COL14A1: variants seen among roughly 807,000 people sequenced by gnomAD.
The protein encoded by COL14A1 is collagen alpha-1(XIV) chain.
Under a neutral mutation model 230.3 loss-of-function variants are expected in COL14A1, and 136 were observed. The ratio of observed to expected loss-of-function variants is 0.59; its 90% CI spans 0.51 to 0.68. The LOEUF (loss-of-function observed/expected upper bound fraction) is 0.68, where lower values mean the gene tolerates loss of function less well. Among genes scored for constraint, COL14A1 ranks in the 30% least tolerant of loss-of-function variants. COL14A1 has a pLI of 0.00. For missense variants in COL14A1, 1,976 were observed against 2,215.8 expected (o/e 0.89, Z 2.17); for synonymous variants, 792 against 784.1 (o/e 1.01, Z -0.17).
At chr8:120,301,379 C>T (rs970258977) in intron 36 of COL14A1, among the ~76,000 whole-genome samples, 5 of 151,954 alleles carry the variant, frequency 3.3e-5, no homozygotes, top group Non-Finnish European at 5.9e-5. Flanking sequence ...GGTAGGCCCC[C>T]GTGTCTGTTG....
Position 120,203,803 on chromosome 8 carries a change from C to T in COL14A1, c.972C>T (p.His324=). The change falls in exon 9 of 48, where the codon CAC becomes CAT. Residue 324 remains histidine, a synonymous_variant. Coordinates refer to ENST00000297848, the MANE Select transcript of COL14A1 (RefSeq NM_021110.4). ...VYNVAEFDLM[H]TVVESLTRTL... The stretch of plus-strand genomic sequence containing the variant: ...ATGTTGCCGAATTCGATCTGATGCA[C>T]ACAGTTGTGGAGAGTCTGACCAGGA... The T allele has an allele frequency of 6.2e-7, 1 of 1,613,928 alleles. No homozygotes were observed. Among genetic ancestry groups the T allele is most frequent in the Non-Finnish European group, 8.5e-7 (1 of 1,179,908 alleles).
At chr8:120,198,110 T>C (rs1817105651) in intron 7 of COL14A1, among the ~76,000 whole-genome samples, 180 bp downstream of exon 7, 1 of 152,190 alleles carries the variant, frequency 6.6e-6, no homozygotes, top group African/African-American at 2.4e-5. Flanking sequence ...TCATTCCTTT[T>C]ACTCTATGAC....
chr8:120,254,372 C>G (rs1232853004), intron 22 of COL14A1, among the ~76,000 whole-genome samples: 1 of 152,066 alleles, frequency 6.6e-6, no homozygotes, highest in Non-Finnish European at 1.5e-5. Context: ...TGTGTTATCT[C>G]TGTAAAATCT....
chr8:120,327,962 C>T (rs1821739493), intron 40 of COL14A1, among the ~76,000 whole-genome samples: 1 of 151,838 alleles, frequency 6.6e-6, no homozygotes, highest in Non-Finnish European at 1.5e-5. Context: ...CAGGGTTTCA[C>T]CATGTTGGCC....
chr8:120,200,205 G>A (rs1817189691), intron 8 of COL14A1, among the ~76,000 whole-genome samples: 1 of 151,982 alleles, frequency 6.6e-6, no homozygotes, highest in Admixed American at 6.6e-5. Context: ...AAAAATGCCT[G>A]ATTCCCAAGC....
At chr8:120,254,096 A>G (rs949355807) in intron 22 of COL14A1, among the ~76,000 whole-genome samples, 1 of 152,240 alleles carries the variant, frequency 6.6e-6, no homozygotes. Context: ...TATTTTTACC[A>G]TCTTGAAAAG....
chr8:120,236,970 T>C (rs1586792580), intron 19 of COL14A1, among the ~76,000 whole-genome samples: 1 of 152,060 alleles, frequency 6.6e-6, no homozygotes, highest in South Asian at 2.1e-4. Flanking sequence ...GCTTGTAGAG[T>C]TTCTGCAGAG....
chr8:120,202,459 A>G (rs575143331), intron 8 of COL14A1, among the ~76,000 whole-genome samples: 1 of 152,244 alleles, frequency 6.6e-6, no homozygotes, highest in Non-Finnish European at 1.5e-5. Flanking sequence ...ACCTCCTTTT[A>G]ATACCCTCCG....
intron 25 of COL14A1, among the ~76,000 whole-genome samples, chr8:120,268,560 G>A (rs1819567142): frequency 6.6e-6 from 1 of 151,646 alleles, no homozygotes; most frequent in Admixed American, 6.6e-5. Context: ...CATCATGATG[G>A]TTTAGATGGT....
chr8:120,191,464 AC>A (rs1816823566), intron 5 of COL14A1, among the ~76,000 whole-genome samples: 1 of 150,740 alleles, frequency 6.6e-6, no homozygotes, highest in East Asian at 1.9e-4. Flanking sequence ...TTTACTTCCA[AC>A]TATGTGGTCA....
chr8:120,289,299 T>C (rs1175328655), intron 33 of COL14A1, among the ~76,000 whole-genome samples: 1 of 152,208 alleles, frequency 6.6e-6, no homozygotes, highest in East Asian at 1.9e-4. Flanking sequence ...AGAAAAGGCA[T>C]GGCTAGTACA....
intron 5 of COL14A1, among the ~76,000 whole-genome samples, chr8:120,190,788 A>G (rs1309082144): frequency 6.6e-6 from 1 of 152,030 alleles, no homozygotes; most frequent in Non-Finnish European, 1.5e-5. Flanking sequence ...TGTATGTGTC[A>G]AGGAATTTAT....
At chr8:120,277,470 C>G (rs1220914954) in intron 26 of COL14A1, 1 of 152,066 alleles carries the variant, frequency 6.6e-6, no homozygotes, top group Non-Finnish European at 1.5e-5. Flanking sequence ...ACATGCACTC[C>G]TATGTTCATT....
intron 43 of COL14A1, 30 bp downstream of exon 43, chr8:120,341,390 C>A (rs753895605): frequency 1.2e-6 from 2 of 1,612,936 alleles, no homozygotes; most frequent in Non-Finnish European, 1.7e-6. Flanking sequence ...GCTTTCTGGC[C>A]CCAGCTTGTT....
intron 8 of COL14A1, among the ~76,000 whole-genome samples, chr8:120,201,936 A>G (rs541294394): frequency 4.2e-4 from 64 of 152,294 alleles, no homozygotes; most frequent in African/African-American, 1.4e-3. Context: ...TATTTTTCCC[A>G]GAATATTTCT....
Position 120,371,262 on chromosome 8 carries a change from C to T in COL14A1, c.*31C>T. 1 of 1,540,624 alleles carries T rather than the reference C, an allele frequency of 6.5e-7. No homozygotes were observed. Among genetic ancestry groups the T allele is most frequent in the Non-Finnish European group, 8.9e-7 (1 of 1,119,720 alleles). On this transcript the variant is annotated 3_prime_UTR_variant, in exon 48 of 48. Coordinates refer to ENST00000297848, the MANE Select transcript of COL14A1 (RefSeq NM_021110.4). ...TCAGGAGAAATTTGAAGACCAACTG[C>T]AAGAACTCTTAAGGAATCTTGTTTG...
At chr8:120,340,845 C>T (rs931738864) in intron 42 of COL14A1, among the ~76,000 whole-genome samples, 7 of 152,160 alleles carry the variant, frequency 4.6e-5, no homozygotes, top group Admixed American at 3.9e-4. Flanking sequence ...TGGGATTTCA[C>T]TAATCTCATC....
At chr8:120,200,670 G>A (rs1427086679) in intron 8 of COL14A1, among the ~76,000 whole-genome samples, 1 of 140,132 alleles carries the variant, frequency 7.1e-6, no homozygotes, top group African/African-American at 2.6e-5. Flanking sequence ...TAGGTATACT[G>A]TAAGTTTGTC....
chr8:120,370,456 C>A, intron 47 of COL14A1: 1 of 1,562,034 alleles, frequency 6.4e-7, no homozygotes, highest in South Asian at 1.2e-5. Context: ...ACCACCAAGC[C>A]CCTGCCCCTA....
Sources: gnomAD v4.1 joint callset for allele counts (sites outside exome capture counted in the v4.1 genomes callset) on GRCh38, gnomAD v4.1.1 for gene constraint, MANE v1.5 for transcripts, NCBI Gene and HGNC (gene_info 2026-07-23, HGNC 2026-07-21) for gene names.